Variants in PDZD2 observed in about 807,000 individuals in gnomAD.
The protein encoded by PDZD2 is PDZ domain containing 2.
PDZD2 carries 90 observed loss-of-function variants against 220.7 expected under a neutral mutation model. The observed-to-expected ratio is 0.41, with a 90% CI of 0.34 to 0.49. The LOEUF is 0.49. Among genes scored for constraint, PDZD2 ranks in the 20% least tolerant of loss-of-function variants. The pLI, the probability that PDZD2 is intolerant of heterozygous loss-of-function variation, is 0.28. For missense variants in PDZD2, 3,174 were observed against 3,608.5 expected, an observed-to-expected ratio of 0.88 and a Z score of 3.08; for synonymous variants, 1,375 against 1,450.5, an observed-to-expected ratio of 0.95 and a Z score of 1.18.
chr5:31,739,116 C>T (rs1750088646), intron 1 of PDZD2, among the ~76,000 whole-genome samples: 1 of 152,120 alleles, frequency 6.6e-6, no homozygotes, highest in Non-Finnish European at 1.5e-5. Context: ...GAACTCCTGA[C>T]CTCAAGTGAT....
chr5:31,738,480 T>C (rs1580658133), intron 1 of PDZD2: 1 of 152,330 alleles, frequency 6.6e-6, no homozygotes. Context: ...TCTAAAAATA[T>C]TCCTGACAAA....
chr5:32,029,341 A>G (rs1319957428), intron 6 of PDZD2, among the ~76,000 whole-genome samples: 1 of 151,088 alleles, frequency 6.6e-6, no homozygotes, highest in Non-Finnish European at 1.5e-5. Flanking sequence ...AAAAAAAAAA[A>G]AAAAAAAAAA....
intron 3 of PDZD2, among the ~76,000 whole-genome samples, chr5:31,984,258 G>A (rs908815176): frequency 1.3e-5 from 2 of 152,188 alleles, no homozygotes; most frequent in African/African-American, 4.8e-5. Flanking sequence ...CCAGCTGTGA[G>A]GGTCAAAGTT....
intron 12 of PDZD2, among the ~76,000 whole-genome samples, chr5:32,058,490 G>A (rs943428584): frequency 8.2e-5 from 12 of 147,202 alleles, no homozygotes; most frequent in Non-Finnish European, 1.1e-4. Context: ...CCAACATGGC[G>A]AAACCCCGTT....
At chr5:32,076,450 C>T (rs1375011114) in intron 18 of PDZD2, among the ~76,000 whole-genome samples, 1 of 152,134 alleles carries the variant, frequency 6.6e-6, no homozygotes, top group East Asian at 1.9e-4. Context: ...GAAACTTGTA[C>T]AAGACTAATT....
In PDZD2 at chr5:32,056,825, C is replaced by T. The variant is rs1293825931; in HGVS notation, c.1901-830C>T. 2.0e-5 allele frequency among the ~76,000 whole-genome samples: 3 copies of T among 152,282 alleles called. No individual in the cohort carries two copies. The East Asian group carries it at 5.8e-4, about 29-fold the overall frequency. On this transcript the variant is annotated intron_variant, in intron 10 of 24. Transcript: ENST00000438447. ...TATTTTTGGGCCGGGAGCAGTAGCT[C>T]ACACCTGTAATCCCCGCACTTTGGG...
chr5:31,745,070 C>G (rs1387879632), intron 1 of PDZD2, among the ~76,000 whole-genome samples: 2 of 149,830 alleles, frequency 1.3e-5, no homozygotes, highest in Non-Finnish European at 3.0e-5. Context: ...GAGACTCCGT[C>G]TCAAAAAAAA....
At chr5:31,779,777 T>C (rs1752952514) in intron 1 of PDZD2, among the ~76,000 whole-genome samples, 1 of 152,062 alleles carries the variant, frequency 6.6e-6, no homozygotes, top group Admixed American at 6.6e-5. Context: ...CAGTAAATAT[T>C]TAGGGAATGA....
intron 1 of PDZD2, among the ~76,000 whole-genome samples, chr5:31,749,889 G>A (rs943076875): frequency 6.6e-6 from 1 of 152,176 alleles, no homozygotes; most frequent in African/African-American, 2.4e-5. Flanking sequence ...GGCTCTCAGT[G>A]GGGATAAGGA....
chr5:31,752,069 G>GTTTTTTTTTTTTT lies in PDZD2; in HGVS notation c.-360-46817_-360-46816insTTTTTTTTTTTTT, dbSNP rs1491302993. On this transcript the variant is annotated intron_variant, in intron 1 of 24. Coordinates refer to ENST00000438447, the MANE Select transcript of PDZD2 (RefSeq NM_178140.4). ...TTGTTTGTTTGTTTTATTGTTTTGG[G>GTTTTTTTTTTTTT]TTTGTTTTTTTTTTTTTTTTTCTGA... Among the ~76,000 whole-genome samples, 25 of 95,830 alleles carry GTTTTTTTTTTTTT rather than the reference G, an allele frequency of 2.6e-4. 1 individual carries two copies. Among genetic ancestry groups the GTTTTTTTTTTTTT allele is most frequent in the Non-Finnish European group, 3.1e-4 (16 of 52,174 alleles). 62.9% of individuals were successfully genotyped at this position (95,830 alleles called of 152,430 possible).
At chr5:32,065,799 T>G (rs1264994254) in intron 14 of PDZD2, among the ~76,000 whole-genome samples, 1 of 151,992 alleles carries the variant, frequency 6.6e-6, no homozygotes, top group Non-Finnish European at 1.5e-5. Flanking sequence ...CCAAGGCGGG[T>G]GGATCGCCTG....
rs759175137 is a variant in PDZD2, at chr5:32,073,847, G to A, written c.2741G>A (p.Gly914Glu). ...CCTCCACCAGCTCACAAGGAGCCTG[G>A]AAAACCCAGAGCCAACAGCCTCGTG... ...PPSTSTHKEP[G>E]KPRANSLVTL... The change falls in exon 18 of 25, where the codon GGA becomes GAA. Residue 914 changes from glycine to glutamate, a missense_variant. Gly to Glu is a moderately conservative substitution (Grantham distance 98). This residue lies in a region of PDZD2 where 1,861 missense variants were observed against 2,001.0 expected (regional missense o/e 0.93). Coordinates refer to ENST00000438447, the MANE Select transcript of PDZD2 (RefSeq NM_178140.4). The A allele has an allele frequency of 1.9e-6, 3 of 1,608,608 alleles. No individual in the cohort carries two copies. In the African/African-American group the frequency reaches 4.0e-5, roughly 22 times the overall value.
chr5:32,082,648 C>T (rs940099305), intron 19 of PDZD2, among the ~76,000 whole-genome samples: 4 of 152,060 alleles, frequency 2.6e-5, no homozygotes, highest in Non-Finnish European at 5.9e-5. Context: ...ATGTGATTTT[C>T]CTAAGAGAAA....
intron 2 of PDZD2, among the ~76,000 whole-genome samples, chr5:31,915,797 T>C (rs1010897536): frequency 1.3e-5 from 2 of 152,252 alleles, no homozygotes; most frequent in Admixed American, 1.3e-4. Flanking sequence ...TTGGCCTTTC[T>C]ATCTGAGCCC....
intron 2 of PDZD2, among the ~76,000 whole-genome samples, chr5:31,968,594 G>A (rs1442763861): frequency 6.6e-6 from 1 of 152,168 alleles, no homozygotes; most frequent in Non-Finnish European, 1.5e-5. Flanking sequence ...CGGGGAGGTT[G>A]GGGTGAGCCG....
At chr5:31,697,776 G>A (rs1747435205) in intron 1 of PDZD2, among the ~76,000 whole-genome samples, 1 of 152,144 alleles carries the variant, frequency 6.6e-6, no homozygotes, top group East Asian at 1.9e-4. Flanking sequence ...CTCCCTTCAA[G>A]CCAAGAAGCC....
intron 2 of PDZD2, among the ~76,000 whole-genome samples, chr5:31,856,188 G>C (rs2150305588): frequency 6.6e-6 from 1 of 152,264 alleles, no homozygotes; most frequent in Middle Eastern, 3.4e-3. Context: ...CTCGTCCCCA[G>C]CTGCTAATCT....
At chr5:31,738,568 G>A (rs934257818) in intron 1 of PDZD2, 2 of 152,190 alleles carry the variant, frequency 1.3e-5, no homozygotes, top group African/African-American at 2.4e-5. Flanking sequence ...CTTCAAGCCT[G>A]TTCATCTTGA....
Position 32,048,585 on chromosome 5 carries a change from G to A in PDZD2, c.1566G>A (p.Met522Ile). The change falls in exon 8 of 25, where the codon ATG becomes ATA. Residue 522 changes from methionine (M) to isoleucine (I), a missense_variant. Met to Ile is a conservative substitution (Grantham distance 10). Transcript: ENST00000438447. ...LESVEEYNELMVRNGDPRIRM... is the reference protein window; with the variant it reads ...LESVEEYNELIVRNGDPRIRM... ...CAGTTGAAGAATATAACGAGCTGAT[G>A]GTGCGGAATGGGGACCCCCGGATCC... 10 of 1,613,838 alleles carry A rather than the reference G, an allele frequency of 6.2e-6. No individual in the cohort carries two copies. The highest frequency in any genetic ancestry group is 8.5e-6 in the Non-Finnish European group (10 of 1,179,764).
Sources: gnomAD v4.1 joint callset for allele counts (sites outside exome capture counted in the v4.1 genomes callset) on GRCh38, gnomAD v4.1.1 for gene constraint, gnomAD v4.1.1 regional missense constraint, MANE v1.5 for transcripts, NCBI Gene and HGNC (gene_info 2026-07-23, HGNC 2026-07-21) for gene names.